The following SUN2 variants were observed in gnomAD, a reference collection of about 807,000 sequenced individuals.
SUN2 encodes Sad1 and UNC84 domain containing 2, also known as SUN domain-containing protein 2.
SUN2 carries 60 observed loss-of-function variants against 100.0 expected under a neutral mutation model. That is an observed-to-expected ratio of 0.60 (90% confidence interval 0.49 to 0.74). The LOEUF is 0.74. Among genes scored for constraint, SUN2 ranks in the 30% least tolerant of loss-of-function variants. SUN2 has a pLI of 0.00. For missense variants in SUN2, 834 were observed against 954.6 expected, an observed-to-expected ratio of 0.87 and a Z score of 1.66; for synonymous variants, 367 against 403.3, an observed-to-expected ratio of 0.91 and a Z score of 1.08.
At chr22:38,751,101 A>G (rs754246568) in intron 3 of SUN2, 66 bp from the exon 4 acceptor site, 35 of 1,610,584 alleles carry the variant, frequency 2.2e-5, no homozygotes, top group Admixed American at 3.4e-5. Flanking sequence ...GGGTCTGGGC[A>G]GAGAGGTGCT....
intron 5 of SUN2, among the ~76,000 whole-genome samples, 182 bp from the exon 6 acceptor site, chr22:38,750,041 C>T (rs2092932473): frequency 6.6e-6 from 1 of 152,028 alleles, no homozygotes; most frequent in Non-Finnish European, 1.5e-5. Context: ...TGCTCTGCAG[C>T]TACTCCTTCC....
In SUN2 at chr22:38,738,565, C is replaced by A. The variant is rs2092827317; in HGVS notation, c.1947+22G>T. On this transcript the variant is annotated intron_variant, in intron 16 of 17. Transcript: ENST00000689035. The surrounding 1 kb of genome is among the most constrained non-coding windows in gnomAD (Gnocchi z 6.6). ...GGATCCCCCTGCAGCCCCTCTGGCC[C>A]CACCACAGGACAGATACTCACAAAG... 1 of 1,604,834 alleles carries A rather than the reference C, an allele frequency of 6.2e-7. No homozygotes were observed. Among genetic ancestry groups the A allele is most frequent in the Admixed American group, 1.7e-5 (1 of 59,832 alleles).
Position 38,750,405 on chromosome 22 carries a change from C to T in SUN2, c.425-85G>A, listed in dbSNP as rs746912581. 46 of 1,568,456 alleles carry T rather than the reference C, an allele frequency of 2.9e-5. No individual in the cohort carries two copies. In the Admixed American group the frequency reaches 4.7e-4, roughly 16 times the overall value. On this transcript the variant is annotated intron_variant, in intron 4 of 17. Coordinates refer to ENST00000689035, the MANE Select transcript of SUN2 (RefSeq NM_015374.3). ...TCTTCTGTGAGCCAAGACCACAAGT[C>T]ACCCACCCTCCTTCACATCCCCACA...
At position 38,755,397 on chromosome 22, in the gene SUN2, A is replaced by G. The variant is rs2092977855; in HGVS notation, c.-38+366T>C. ...CCTTCCTCTGAGGCCCTGAGTTCTG[A>G]CAGGCAGAGGCTGGGAACTGCCTGT... On this transcript the variant is annotated intron_variant, in intron 1 of 17. Coordinates refer to ENST00000689035, the MANE Select transcript of SUN2 (RefSeq NM_015374.3). This position sits in a 1 kb window ranked among gnomAD's most constrained non-coding sequence, Gnocchi z 5.7. 1 of 1,005,478 alleles carries G rather than the reference A, an allele frequency of 9.9e-7. No homozygotes were observed. The highest frequency in any genetic ancestry group is 5.1e-4 in the Middle Eastern group (1 of 1,958). The allele number at this position is 1,005,478 out of a possible 1,614,324, so 62.3% of individuals were successfully genotyped here.
At chr22:38,754,981 A>G in intron 1 of SUN2, 1 of 1,288,690 alleles carries the variant, frequency 7.8e-7, no homozygotes, top group South Asian at 1.2e-5. Flanking sequence ...GCTGAAATCT[A>G]CTACTGCGAA....
At chr22:38,754,506 A>T (rs2146112803) in intron 1 of SUN2, 2 of 682,542 alleles carry the variant, frequency 2.9e-6, no homozygotes, top group East Asian at 6.7e-5. Flanking sequence ...CATCCCCTCT[A>T]CTTTTAGCTG....
rs369773961 is a variant in SUN2 at position 38,742,285 on chromosome 22, G to A, written c.1068+16C>T. 8.8e-6 allele frequency: 14 copies of A among 1,582,236 alleles called. No homozygotes were observed. The East Asian group carries it at 9.0e-5, about 10-fold the overall frequency. On this transcript the variant is annotated intron_variant, in intron 9 of 17. Transcript: ENST00000689035. ...GGTGTCACCCACCTCCCACCCTGAG[G>A]TATTCCACCTCCTACCTGGATGCGA...
intron 2 of SUN2, among the ~76,000 whole-genome samples, chr22:38,751,804 G>T (rs2092947581): frequency 6.6e-6 from 1 of 152,206 alleles, no homozygotes; most frequent in African/African-American, 2.4e-5. Flanking sequence ...CAGCTGCTGA[G>T]GCCGGACAGG....
intron 7 of SUN2, among the ~76,000 whole-genome samples, chr22:38,747,346 A>C (rs532632207): frequency 2.0e-5 from 3 of 152,038 alleles, no homozygotes; most frequent in Admixed American, 2.0e-4. Flanking sequence ...AAAAAAAAAA[A>C]AAGAAGAAGA....
intron 8 of SUN2, among the ~76,000 whole-genome samples, chr22:38,744,764 C>G (rs1047103918): frequency 1.3e-5 from 2 of 152,168 alleles, no homozygotes; most frequent in Admixed American, 1.3e-4. Context: ...CCTTGGCCTC[C>G]CAAAGTGCCG....
intron 2 of SUN2, among the ~76,000 whole-genome samples, chr22:38,751,882 G>A (rs548455042): frequency 2.4e-4 from 36 of 152,322 alleles, no homozygotes; most frequent in African/African-American, 7.5e-4. Context: ...GAGCAGGGGG[G>A]GTTCCTGTGA....
Position 38,745,666 on chromosome 22 carries a change from C to T in SUN2, c.813+18G>A, listed in dbSNP as rs1405204329. 1 of 1,612,534 alleles carries T rather than the reference C, an allele frequency of 6.2e-7. No individual in the cohort carries two copies. Among genetic ancestry groups the T allele is most frequent in the Non-Finnish European group, 8.5e-7 (1 of 1,179,796 alleles). On this transcript the variant is annotated intron_variant, in intron 8 of 17. Coordinates refer to ENST00000689035, the MANE Select transcript of SUN2 (RefSeq NM_015374.3). ...ATTATTGCTAAGCTCTTGGGAGCTA[C>T]CACCCTCAGAGACTCACCTGGAAAT...
At position 38,751,203 on chromosome 22, in the gene SUN2, C is replaced by G. The variant is rs2092943055; in HGVS notation, c.286+7G>C. On this transcript the variant is annotated splice_region_variant and intron_variant, in intron 3 of 17. Transcript: ENST00000689035. ...CAAAGCCCCGGGACGGAGGGCTCCA[C>G]ACTCACCCCAGTTGGCGTCACCATG... 4.0e-5 allele frequency: 64 copies of G among 1,610,870 alleles called. No individual in the cohort carries two copies. The highest frequency in any genetic ancestry group is 5.4e-5 in the Non-Finnish European group (64 of 1,177,392).
rs370300146 is a variant in SUN2, at chr22:38,740,473, G to A, written c.1191-41C>T. 6 of 1,431,916 alleles carry A rather than the reference G, an allele frequency of 4.2e-6. No homozygotes were observed. The highest frequency in any genetic ancestry group is 2.9e-5 in the African/African-American group (2 of 69,206). 88.7% of individuals were successfully genotyped at this position (1,431,916 alleles called of 1,614,324 possible). ...GAAGAGTAAGCCTCGGATCTCTTTG[G>A]TGGGAGGTAAGGCCACACCAAAGAT... On this transcript the variant is annotated intron_variant, in intron 11 of 17. Coordinates refer to ENST00000689035, the MANE Select transcript of SUN2 (RefSeq NM_015374.3). This position sits in a 1 kb window ranked among gnomAD's most constrained non-coding sequence, Gnocchi z 4.8.
chr22:38,742,437 C>T lies in SUN2; in HGVS notation c.932G>A (p.Arg311Gln), dbSNP rs376072154. 9.0e-5 allele frequency: 145 copies of T among 1,613,548 alleles called. No homozygotes were observed. The highest frequency in any genetic ancestry group is 1.1e-4 in the Non-Finnish European group (132 of 1,180,010). ...EAMRLERLEL[R>Q]QGAPGQGGGG... ...ACCTCCCTGGCCAGGAGCCCCTTGC[C>T]GCAGCTCCAGACGTTCCAGCCGCAT... Residue 311 changes from arginine to glutamine, a missense_variant, in exon 9 of 18, where the codon CGG becomes CAG. Coordinates refer to ENST00000689035, the MANE Select transcript of SUN2 (RefSeq NM_015374.3).
Position 38,735,878 on chromosome 22 carries a change from G to T in SUN2, c.*389C>A, listed in dbSNP as rs1200521027. ...CCCAGGGGCAGAGGCAGCTCACCTA[G>T]CCCAGGCCGTAGCTTGCCCCTCCCA... On this transcript the variant is annotated 3_prime_UTR_variant, in exon 18 of 18. Coordinates refer to ENST00000689035, the MANE Select transcript of SUN2 (RefSeq NM_015374.3). 1 of 189,420 alleles carries T rather than the reference G, an allele frequency of 5.3e-6. No individual in the cohort carries two copies. 11.7% of individuals were successfully genotyped at this position (189,420 alleles called of 1,614,324 possible). A position where few individuals can be genotyped will look rare whatever the true frequency, so the allele number is the denominator to read the frequency against.
chr22:38,751,832 G>C (rs898592724), intron 2 of SUN2, among the ~76,000 whole-genome samples: 1 of 152,204 alleles, frequency 6.6e-6, no homozygotes. Context: ...ACATGCAGGC[G>C]TGGGGCCAGG....
In SUN2 at chr22:38,735,277, C is replaced by G. The variant is rs1401983324; in HGVS notation, c.*990G>C. Reference sequence around the variant, plus strand: ...CAAGAGCTGCAAGAGCCCAAGGGGGCAGCCTGAGCGGACGACCCCTACATC... The same window carrying G: ...CAAGAGCTGCAAGAGCCCAAGGGGGGAGCCTGAGCGGACGACCCCTACATC... On this transcript the variant is annotated 3_prime_UTR_variant, in exon 18 of 18. Coordinates refer to ENST00000689035, the MANE Select transcript of SUN2 (RefSeq NM_015374.3). The G allele has an allele frequency of 2.2e-6, 1 of 455,154 alleles. No individual in the cohort carries two copies. The highest frequency in any genetic ancestry group is 2.4e-5 in the Admixed American group (1 of 42,426). The allele number at this position is 455,154 out of a possible 1,614,324, so 28.2% of individuals were successfully genotyped here.
At chr22:38,748,066 A>G (rs1262480701) in intron 7 of SUN2, among the ~76,000 whole-genome samples, 2 of 149,932 alleles carry the variant, frequency 1.3e-5, no homozygotes, top group Non-Finnish European at 3.0e-5. Context: ...CTGTAATCCC[A>G]GCACTTTGGG....
Sources: gnomAD v4.1 joint callset for allele counts (sites outside exome capture counted in the v4.1 genomes callset) on GRCh38, gnomAD v4.1.1 for gene constraint, Gnocchi (gnomAD v3.1) non-coding constraint, MANE v1.5 for transcripts, NCBI Gene and HGNC (gene_info 2026-07-23, HGNC 2026-07-21) for gene names.